The following RFX2 variants were observed in gnomAD, a reference collection of about 807,000 sequenced individuals.
RFX2 encodes DNA-binding protein RFX2.
RFX2 carries 20 observed loss-of-function variants against 87.8 expected under a neutral mutation model. The ratio of observed to expected loss-of-function variants is 0.23; its 90% CI spans 0.16 to 0.33. The LOEUF (loss-of-function observed/expected upper bound fraction) is 0.33, where lower values mean the gene tolerates loss of function less well. RFX2 is among the 10% of genes least tolerant of loss of function. RFX2 has a pLI of 1.00. For missense variants in RFX2, 767 were observed against 1,012.3 expected, an observed-to-expected ratio of 0.76 and a Z score of 3.29; for synonymous variants, 397 against 431.3, an observed-to-expected ratio of 0.92 and a Z score of 0.98.
chr19:6,084,167 G>A (rs573524475), intron 1 of RFX2, among the ~76,000 whole-genome samples: 3 of 152,242 alleles, frequency 2.0e-5, no homozygotes, highest in Non-Finnish European at 4.4e-5. Context: ...AAATGAGTTC[G>A]CTGTGCATTG....
chr19:6,087,232 G>C (rs956452069), intron 1 of RFX2, among the ~76,000 whole-genome samples: 1 of 152,138 alleles, frequency 6.6e-6, no homozygotes, highest in Non-Finnish European at 1.5e-5. Flanking sequence ...GGGGCGAAGC[G>C]AGACGCACAC....
Position 6,110,416 on chromosome 19 carries a change from GGCAGCGGCTCCC to G in RFX2, c.-44_-33del, listed in dbSNP as rs1568202088. ...ACCTGGAGTTCGGGCCGGGAGTTCG[GGCAGCGGCTCCC>G]GCGGCGGCGGCAGCGGCTGCTGCGT... On this transcript the variant is annotated 5_prime_UTR_variant, in exon 1 of 18. Coordinates refer to ENST00000303657, the MANE Select transcript of RFX2 (RefSeq NM_000635.4). This position sits in a 1 kb window ranked among gnomAD's most constrained non-coding sequence, Gnocchi z 4.3. The G allele has an allele frequency of 1.3e-5, 2 of 153,622 alleles. No homozygotes were observed. Among genetic ancestry groups the G allele is most frequent in the African/African-American group, 4.8e-5 (2 of 41,386 alleles). The allele number at this position is 153,622 out of a possible 1,614,324, so 9.5% of individuals were successfully genotyped here.
chr19:6,043,542 GT>G (rs2087142848), intron 3 of RFX2, among the ~76,000 whole-genome samples: 1 of 152,206 alleles, frequency 6.6e-6, no homozygotes, highest in African/African-American at 2.4e-5. Context: ...CCCACTGCCT[GT>G]TTTTGTAAAT....
At chr19:6,099,055 T>G (rs2088073705) in intron 1 of RFX2, among the ~76,000 whole-genome samples, 1 of 148,258 alleles carries the variant, frequency 6.7e-6, no homozygotes, top group South Asian at 2.1e-4. Context: ...AAAAGGAGAA[T>G]TCATTGGTTC....
At chr19:6,032,892 C>A (rs140793272) in intron 5 of RFX2, among the ~76,000 whole-genome samples, 1 of 152,230 alleles carries the variant, frequency 6.6e-6, no homozygotes, top group South Asian at 2.1e-4. Flanking sequence ...GGGCTCAGGC[C>A]ATCCTCCCAC....
rs2086813880 is a variant in RFX2, at chr19:6,021,730, T to C, written c.597+4433A>G. ...GGAGAGAGCGGGTCCTGCAGGGCCT[T>C]GTGGGCCATTTTGACAACACTCGGT... On this transcript the variant is annotated intron_variant, in intron 6 of 17. Coordinates refer to ENST00000303657, the MANE Select transcript of RFX2 (RefSeq NM_000635.4). The surrounding 1 kb of genome is among the most constrained non-coding windows in gnomAD (Gnocchi z 5.7). Among the ~76,000 whole-genome samples, 1 of 152,116 alleles carries C rather than the reference T, an allele frequency of 6.6e-6. No homozygotes were observed.
rs201164288 is a variant in RFX2 at position 6,109,024 on chromosome 19, G to T, written c.-9+1369C>A. ...TTGGGGTGTGAGTGAGTGTGTGTGTGTGAGTGTGTGTGTGCGCCCGCGAGC... is the reference window on the plus strand; with the variant it reads ...TTGGGGTGTGAGTGAGTGTGTGTGTTTGAGTGTGTGTGTGCGCCCGCGAGC... On this transcript the variant is annotated intron_variant, in intron 1 of 17. Coordinates refer to ENST00000303657, the MANE Select transcript of RFX2 (RefSeq NM_000635.4). Among the ~76,000 whole-genome samples the T allele has an allele frequency of 3.9e-4, 59 of 152,240 alleles. No homozygotes were observed. In the East Asian group the frequency reaches 0.011, roughly 29 times the overall value.
chr19:6,055,318 C>T (rs2087321194), intron 1 of RFX2, among the ~76,000 whole-genome samples: 1 of 152,288 alleles, frequency 6.6e-6, no homozygotes, highest in South Asian at 2.1e-4. Context: ...TAAACCTGCC[C>T]TTTAACCCAG....
At chr19:6,060,994 C>T (rs1445901913) in intron 1 of RFX2, among the ~76,000 whole-genome samples, 1 of 152,156 alleles carries the variant, frequency 6.6e-6, no homozygotes, top group Non-Finnish European at 1.5e-5. Flanking sequence ...GGGAAACTCT[C>T]CCCCCGCCAA....
At chr19:6,034,418 G>T (rs758440310) in intron 5 of RFX2, among the ~76,000 whole-genome samples, 1 of 151,872 alleles carries the variant, frequency 6.6e-6, no homozygotes, top group Admixed American at 6.6e-5. Context: ...TAGTAGAGAC[G>T]GGGTTTCACC....
In RFX2 at chr19:6,012,620, C is replaced by T. The variant is rs554288744; in HGVS notation, c.899+366G>A. 6.6e-6 allele frequency among the ~76,000 whole-genome samples: 1 copy of T among 152,104 alleles called. No individual in the cohort carries two copies. Among genetic ancestry groups the T allele is most frequent in the Non-Finnish European group, 1.5e-5 (1 of 67,974 alleles). On this transcript the variant is annotated intron_variant, in intron 8 of 17. Coordinates refer to ENST00000303657, the MANE Select transcript of RFX2 (RefSeq NM_000635.4). The surrounding 1 kb of genome is among the most constrained non-coding windows in gnomAD (Gnocchi z 4.6). ...AGGGTCACGGGTCATGAGCAATGCA[C>T]CGCTGTGTGGGGGAGGTGAATGGTG...
rs77665129 is a variant in RFX2 at position 6,026,956 on chromosome 19, G to A, written c.523-719C>T. 0.023 allele frequency among the ~76,000 whole-genome samples: 3,542 copies of A among 152,196 alleles called. 137 individuals are homozygous for A. Among genetic ancestry groups the A allele is most frequent in the African/African-American group, 0.081 (3,376 of 41,512 alleles). Reference sequence around the variant, plus strand: ...ATCCTGAAGGACCTGATGGAGGTGGGGAGGGAGGTGGGCGGCAGGTCCACG... The same window carrying A: ...ATCCTGAAGGACCTGATGGAGGTGGAGAGGGAGGTGGGCGGCAGGTCCACG... On this transcript the variant is annotated intron_variant, in intron 5 of 17. Coordinates refer to ENST00000303657, the MANE Select transcript of RFX2 (RefSeq NM_000635.4). The surrounding 1 kb of genome is among the most constrained non-coding windows in gnomAD (Gnocchi z 4.5).
chr19:6,026,197 A>C lies in RFX2; in HGVS notation c.563T>G (p.Ile188Ser). 1 of 1,613,728 alleles carries C rather than the reference A, an allele frequency of 6.2e-7. No individual in the cohort carries two copies. Among genetic ancestry groups the C allele is most frequent in the Non-Finnish European group, 8.5e-7 (1 of 1,179,968 alleles). ...AIENLQKSEG[I>S]TSHKSGLLNS... ...GAGTAAACCGCTTTTGTGTGATGTG[A>C]TTCCTTCGCTTTTTTGGAGGTTTTC... Residue 188 changes from isoleucine to serine, a missense_variant, in exon 6 of 18, where the codon ATC becomes AGC. Physicochemically the swap from Ile to Ser is moderately radical, Grantham distance 142 (BLOSUM62 -2). Transcript: ENST00000303657. The surrounding 1 kb of genome is among the most constrained non-coding windows in gnomAD (Gnocchi z 4.5).
At position 6,007,604 on chromosome 19, in the gene RFX2, A is replaced by C. The variant is rs1470379790; in HGVS notation, c.1247+86T>G. 2 of 763,646 alleles carry C rather than the reference A, an allele frequency of 2.6e-6. No individual in the cohort carries two copies. Among genetic ancestry groups the C allele is most frequent in the Non-Finnish European group, 4.5e-6 (2 of 441,606 alleles). The allele number at this position is 763,646 out of a possible 1,614,324, so 47.3% of individuals were successfully genotyped here. On this transcript the variant is annotated intron_variant, in intron 11 of 17. Transcript: ENST00000303657. This position sits in a 1 kb window ranked among gnomAD's most constrained non-coding sequence, Gnocchi z 8.2. ...CTGAACCCTGATTCTTGGAGAGCTGAGGCTTTCGTTTGTGGGTTACCTGTG... is the reference window on the plus strand; with the variant it reads ...CTGAACCCTGATTCTTGGAGAGCTGCGGCTTTCGTTTGTGGGTTACCTGTG...
At chr19:6,097,307 C>T (rs1362912337) in intron 1 of RFX2, among the ~76,000 whole-genome samples, 1 of 152,132 alleles carries the variant, frequency 6.6e-6, no homozygotes, top group East Asian at 1.9e-4. Flanking sequence ...TCACTTGGGC[C>T]TTGCCTTTCT....
At chr19:6,008,029 CG>C in intron 10 of RFX2, 76 bp downstream of exon 10, 6 of 1,116,436 alleles carry the variant, frequency 5.4e-6, no homozygotes, top group Non-Finnish European at 6.6e-6. Context: ...CAGCGTCACC[CG>C]GGGACGCCTG....
intron 1 of RFX2, among the ~76,000 whole-genome samples, chr19:6,070,979 A>T (rs1162416759): frequency 6.6e-6 from 1 of 152,062 alleles, no homozygotes; most frequent in South Asian, 2.1e-4. Flanking sequence ...CAGCCTCCCA[A>T]AGTGTGGGAC....
chr19:6,032,147 G>T (rs1209986150), intron 5 of RFX2, among the ~76,000 whole-genome samples: 1 of 152,068 alleles, frequency 6.6e-6, no homozygotes, highest in Non-Finnish European at 1.5e-5. Context: ...TTTTGAGATG[G>T]AGTCTTGCTT....
chr19:6,078,938 G>A (rs1183918659), intron 1 of RFX2, among the ~76,000 whole-genome samples: 1 of 152,180 alleles, frequency 6.6e-6, no homozygotes, highest in Non-Finnish European at 1.5e-5. Flanking sequence ...ACCATGCCCA[G>A]CTAATTTTTG....
Sources: gnomAD v4.1 joint callset for allele counts (sites outside exome capture counted in the v4.1 genomes callset) on GRCh38, gnomAD v4.1.1 for gene constraint, Gnocchi (gnomAD v3.1) non-coding constraint, MANE v1.5 for transcripts, NCBI Gene and HGNC (gene_info 2026-07-23, HGNC 2026-07-21) for gene names.